ZNF385D: variants seen among roughly 807,000 people sequenced by gnomAD.
The protein encoded by ZNF385D is zinc finger protein 659.
ZNF385D carries 15 observed loss-of-function variants against 35.8 expected under a neutral mutation model. The observed-to-expected ratio is 0.42, with a 90% CI of 0.28 to 0.64. The LOEUF is 0.64. Among genes scored for constraint, ZNF385D ranks in the 30% least tolerant of loss-of-function variants. The pLI, the probability that ZNF385D is intolerant of heterozygous loss-of-function variation, is 0.23. For missense variants in ZNF385D, 474 were observed against 494.6 expected (o/e 0.96, Z 0.39); for synonymous variants, 212 against 186.8 (o/e 1.13, Z -1.10).
At chr3:21,842,923 T>C (rs1695768834) in intron 3 of ZNF385D, among the ~76,000 whole-genome samples, 2 of 152,062 alleles carry the variant, frequency 1.3e-5, no homozygotes, top group South Asian at 2.1e-4. Context: ...TTGGCGCACT[T>C]CTGAAAATCT....
At chr3:21,999,194 G>T (rs745897198) in intron 3 of ZNF385D, among the ~76,000 whole-genome samples, 1 of 152,048 alleles carries the variant, frequency 6.6e-6, no homozygotes, top group Non-Finnish European at 1.5e-5. Context: ...AAAGCTAAGG[G>T]CATTACACTG....
At position 22,008,735 on chromosome 3, in the gene ZNF385D, G is replaced by A. The variant is rs565210118; in HGVS notation, c.325+160082C>T. On this transcript the variant is annotated intron_variant, in intron 3 of 5. Transcript: ENST00000494108. Reference sequence around the variant, plus strand: ...ACAACTGAAAACTGAAAAACCGTGTGAATATTTTTACACACACTGTGAGTA... The same window carrying A: ...ACAACTGAAAACTGAAAAACCGTGTAAATATTTTTACACACACTGTGAGTA... Among the ~76,000 whole-genome samples, 5 of 152,004 alleles carry A rather than the reference G, an allele frequency of 3.3e-5. No homozygotes were observed. In the East Asian group the frequency reaches 5.8e-4, roughly 18 times the overall value.
chr3:22,244,364 T>TAAAAAAAAAAAAAAAAAAAAAAAAAAA (rs34497539), intron 2 of ZNF385D, among the ~76,000 whole-genome samples: 1 of 62,558 alleles, frequency 1.6e-5, no homozygotes, highest in Non-Finnish European at 3.1e-5. Context: ...CAACCGAATG[T>TAAAAAAAAAAAAAAAAAAAAAAAAAAA]AAAAAAAAAA....
chr3:21,761,869 C>CTTT lies in ZNF385D; in HGVS notation c.326-96844_326-96842dup, dbSNP rs58790934. Among the ~76,000 whole-genome samples the CTTT allele has an allele frequency of 2.5e-3, 196 of 77,230 alleles. 25 individuals are homozygous for CTTT. The East Asian group carries it at 0.03, about 12-fold the overall frequency. The allele number at this position is 77,230 out of a possible 152,430, so 50.7% of individuals were successfully genotyped here. A position where few individuals can be genotyped will look rare whatever the true frequency, so the allele number is the denominator to read the frequency against. ...TTATGATTTCAAGAGCATTTTCTTC[C>CTTT]TTTTTTTTTTTTTTTTTTTTTTTTT... On this transcript the variant is annotated intron_variant, in intron 3 of 5. Coordinates refer to the ZNF385D transcript ENST00000494108.
intron 3 of ZNF385D, among the ~76,000 whole-genome samples, chr3:22,123,954 CTCTCTCTCTATATA>C (rs1177006089): frequency 0.02 from 1,853 of 93,502 alleles, 11 homozygotes; most frequent in Non-Finnish European, 0.032. Context: ...CTCTCTCTCT[CTCTCTCTCTATATA>C]TATATATATA....
chr3:21,580,311 G>A (rs1180399434), intron 2 of ZNF385D, among the ~76,000 whole-genome samples: 3 of 152,176 alleles, frequency 2.0e-5, no homozygotes, highest in Non-Finnish European at 4.4e-5. Flanking sequence ...GTTCAGAGAT[G>A]AGGAGAATAG....
chr3:21,876,838 T>G (rs2125856333), intron 3 of ZNF385D, among the ~76,000 whole-genome samples: 1 of 152,256 alleles, frequency 6.6e-6, no homozygotes, highest in East Asian at 1.9e-4. Flanking sequence ...CATTAGCTTC[T>G]GTCTAAATGT....
At chr3:21,940,558 C>T (rs1388627829) in intron 3 of ZNF385D, among the ~76,000 whole-genome samples, 2 of 152,136 alleles carry the variant, frequency 1.3e-5, no homozygotes, top group Non-Finnish European at 2.9e-5. Flanking sequence ...TGCTGAAGTG[C>T]AGCAATGAAA....
At chr3:21,521,946 T>G (rs1707934300) in intron 3 of ZNF385D, among the ~76,000 whole-genome samples, 1 of 152,040 alleles carries the variant, frequency 6.6e-6, no homozygotes, top group African/African-American at 2.4e-5. Context: ...CCAAATTCAG[T>G]AAGATAAATT....
intron 2 of ZNF385D, among the ~76,000 whole-genome samples, chr3:21,631,331 T>G (rs1049273960): frequency 6.6e-6 from 1 of 151,920 alleles, no homozygotes; most frequent in African/African-American, 2.4e-5. Context: ...CAATCAATAT[T>G]TCCAGAACAC....
At chr3:22,102,897 A>G (rs560781168) in intron 3 of ZNF385D, among the ~76,000 whole-genome samples, 8 of 100,818 alleles carry the variant, frequency 7.9e-5, no homozygotes, top group Middle Eastern at 4.7e-3. Context: ...TTTATCAGGG[A>G]AAAAAAAAAA....
chr3:22,279,589 T>C lies in ZNF385D; in HGVS notation c.106+92861A>G, dbSNP rs1480871923. 4.9e-5 allele frequency among the ~76,000 whole-genome samples: 7 copies of C among 144,322 alleles called. No individual in the cohort carries two copies. The East Asian group carries it at 1.2e-3, about 24-fold the overall frequency. The allele number at this position is 144,322 out of a possible 152,430, so 94.7% of individuals were successfully genotyped here. A position where few individuals can be genotyped will look rare whatever the true frequency, so the allele number is the denominator to read the frequency against. On this transcript the variant is annotated intron_variant, in intron 2 of 5. Transcript: ENST00000494108. ...ATATATATGTATATACATATACATA[T>C]GTACATATATATGTATATACATATA...
chr3:21,598,635 AT>A (rs1182139840), intron 2 of ZNF385D, among the ~76,000 whole-genome samples: 1 of 152,192 alleles, frequency 6.6e-6, no homozygotes, highest in East Asian at 1.9e-4. Context: ...AGAGAAAAAA[AT>A]GACTCAAGAT....
chr3:22,216,858 T>C (rs1697920841), intron 2 of ZNF385D, among the ~76,000 whole-genome samples: 1 of 152,128 alleles, frequency 6.6e-6, no homozygotes, highest in Non-Finnish European at 1.5e-5. Flanking sequence ...AAGCCTCCCA[T>C]GCCTAATTCT....
At chr3:22,144,650 GTT>G (rs994627857) in intron 3 of ZNF385D, among the ~76,000 whole-genome samples, 1 of 144,700 alleles carries the variant, frequency 6.9e-6, no homozygotes, top group African/African-American at 2.5e-5. Flanking sequence ...GCAAATTTAA[GTT>G]AGTCATCATT....
At chr3:22,041,979 T>C (rs1698690524) in intron 3 of ZNF385D, among the ~76,000 whole-genome samples, 1 of 152,206 alleles carries the variant, frequency 6.6e-6, no homozygotes, top group Non-Finnish European at 1.5e-5. Context: ...TATAAACTTT[T>C]AGCAGTATTT....
At chr3:22,287,261 C>A (rs1702073754) in intron 2 of ZNF385D, among the ~76,000 whole-genome samples, 1 of 151,910 alleles carries the variant, frequency 6.6e-6, no homozygotes, top group Admixed American at 6.6e-5. Flanking sequence ...TATTTGTCCT[C>A]AAAGGAGAAA....
At chr3:22,225,273 T>A (rs1424375677) in intron 2 of ZNF385D, among the ~76,000 whole-genome samples, 1 of 152,118 alleles carries the variant, frequency 6.6e-6, no homozygotes, top group Non-Finnish European at 1.5e-5. Flanking sequence ...CCCATGTATA[T>A]CCCGTCACCC....
intron 4 of ZNF385D, among the ~76,000 whole-genome samples, chr3:21,458,291 A>G (rs1413306159): frequency 6.7e-6 from 1 of 148,868 alleles, no homozygotes; most frequent in Non-Finnish European, 1.5e-5. Context: ...TGAGCAACAT[A>G]GTGAGACCTC....
Sources: gnomAD v4.1 joint callset for allele counts (sites outside exome capture counted in the v4.1 genomes callset) on GRCh38, gnomAD v4.1.1 for gene constraint, MANE v1.5 for transcripts, NCBI Gene and HGNC (gene_info 2026-07-23, HGNC 2026-07-21) for gene names.